The following SPMIP11 variants were observed in gnomAD, a reference collection of about 807,000 sequenced individuals.
SPMIP11 encodes the protein sperm microtubule inner protein 11.
At chr12:48,768,567 A>G in the SPMIP11 span, 1 of 1,613,936 alleles carries the variant, frequency 6.2e-7, no homozygotes. Context: ...TGGTCCCTTC[A>G]GCTGAATTTG....
At chr12:48,762,356 CTT>C in the SPMIP11 span, among the ~76,000 whole-genome samples, 51 of 61,220 alleles carry the variant, frequency 8.3e-4, no homozygotes, top group African/African-American at 4.7e-3. Flanking sequence ...CCCCGCCCAG[CTT>C]TTTTTTTTTT....
chr12:48,739,164 A>G, the SPMIP11 span, among the ~76,000 whole-genome samples: 1 of 151,760 alleles, frequency 6.6e-6, no homozygotes, highest in African/African-American at 2.4e-5. Flanking sequence ...CTCAGTGATT[A>G]CTCACCTCAA....
At chr12:48,749,619 G>C in the SPMIP11 span, among the ~76,000 whole-genome samples, 1 of 110,072 alleles carries the variant, frequency 9.1e-6, no homozygotes, top group African/African-American at 3.7e-5. Context: ...TGGGCAACAA[G>C]AGTGAAACTC....
chr12:48,769,961 C>T, the SPMIP11 span, among the ~76,000 whole-genome samples: 1 of 151,980 alleles, frequency 6.6e-6, no homozygotes, highest in Non-Finnish European at 1.5e-5. Context: ...CGGAATTTCA[C>T]CGTGTTAGTC....
At chr12:48,762,356 CTTTTTTTTTTT>C in the SPMIP11 span, among the ~76,000 whole-genome samples, 17 of 61,224 alleles carry the variant, frequency 2.8e-4, no homozygotes, top group African/African-American at 4.9e-4. Flanking sequence ...CCCCGCCCAG[CTTTTTTTTTTT>C]TTTTTTTTTT....
the SPMIP11 span, among the ~76,000 whole-genome samples, chr12:48,758,764 G>A: frequency 6.6e-6 from 1 of 152,190 alleles, no homozygotes; most frequent in Admixed American, 6.6e-5. Context: ...TCATTCTGCT[G>A]TCTGAAATGC....
At chr12:48,768,796 G>C in the SPMIP11 span, 1 of 1,570,902 alleles carries the variant, frequency 6.4e-7, no homozygotes, top group Non-Finnish European at 8.7e-7. Flanking sequence ...TCTCTAGTCA[G>C]GCTAGCTCCC....
chr12:48,727,765 A>G, the SPMIP11 span, among the ~76,000 whole-genome samples: 9 of 152,128 alleles, frequency 5.9e-5, no homozygotes. Context: ...AAGACACACA[A>G]TTTGGGCCAG....
At chr12:48,752,543 A>G in the SPMIP11 span, among the ~76,000 whole-genome samples, 23 of 151,448 alleles carry the variant, frequency 1.5e-4, no homozygotes, top group Non-Finnish European at 7.4e-5. Flanking sequence ...TTTACCTTCT[A>G]CTCTGGAGTC....
chr12:48,743,307 T>A, the SPMIP11 span, among the ~76,000 whole-genome samples: 1 of 151,106 alleles, frequency 6.6e-6, no homozygotes. Flanking sequence ...GATGGGAAGA[T>A]TAAGGCTGCA....
the SPMIP11 span, chr12:48,771,126 G>A: frequency 4.1e-6 from 3 of 733,746 alleles, no homozygotes; most frequent in Non-Finnish European, 4.4e-6. This position sits in a 1 kb window ranked among gnomAD's most constrained non-coding sequence, Gnocchi z 4.3. Context: ...CTGAGGAGCT[G>A]GGAAAACAGG....
the SPMIP11 span, among the ~76,000 whole-genome samples, chr12:48,756,278 C>A: frequency 1.3e-5 from 2 of 152,108 alleles, no homozygotes; most frequent in South Asian, 4.1e-4. Flanking sequence ...CAGGAAATGG[C>A]CTCGTTGCTA....
At chr12:48,757,654 AAAAAT>A in the SPMIP11 span, among the ~76,000 whole-genome samples, 1 of 33,992 alleles carries the variant, frequency 2.9e-5, no homozygotes, top group African/African-American at 6.0e-5. Flanking sequence ...TCAAAAAAAT[AAAAAT>A]AAAAATAAAA....
the SPMIP11 span, among the ~76,000 whole-genome samples, chr12:48,754,729 C>T: frequency 3.3e-5 from 5 of 151,694 alleles, no homozygotes; most frequent in Admixed American, 6.6e-5. Flanking sequence ...GGATTACAGG[C>T]GTGAGCCACC....
chr12:48,744,028 C>A, the SPMIP11 span, among the ~76,000 whole-genome samples: 1 of 149,824 alleles, frequency 6.7e-6, no homozygotes, highest in Non-Finnish European at 1.5e-5. Context: ...CAGTGCCGAT[C>A]ACCTGAGGTT....
At chr12:48,743,093 C>T in the SPMIP11 span, among the ~76,000 whole-genome samples, 1 of 151,532 alleles carries the variant, frequency 6.6e-6, no homozygotes, top group Non-Finnish European at 1.5e-5. Context: ...GAAACCCTGT[C>T]TCTACTAAAA....
chr12:48,729,864 C>G, the SPMIP11 span, among the ~76,000 whole-genome samples: 2 of 152,126 alleles, frequency 1.3e-5, no homozygotes, highest in Non-Finnish European at 2.9e-5. Flanking sequence ...ACCTTAGAGA[C>G]TCCTTAATAT....
chr12:48,754,563 G>T, the SPMIP11 span, among the ~76,000 whole-genome samples: 2 of 151,382 alleles, frequency 1.3e-5, no homozygotes, highest in East Asian at 3.9e-4. Flanking sequence ...CCATTCTCCT[G>T]CCTCAGCCTC....
the SPMIP11 span, among the ~76,000 whole-genome samples, chr12:48,752,891 C>T: frequency 1.3e-5 from 2 of 152,000 alleles, no homozygotes; most frequent in South Asian, 2.1e-4. Context: ...AGGCTGGTCT[C>T]GAACTATCGA....
Sources: gnomAD v4.1 joint callset for allele counts (sites outside exome capture counted in the v4.1 genomes callset) on GRCh38, gnomAD v4.1.1 for gene constraint, Gnocchi (gnomAD v3.1) non-coding constraint, MANE v1.5 for transcripts, NCBI Gene and HGNC (gene_info 2026-07-23, HGNC 2026-07-21) for gene names.